Variants in LYPD6B observed in about 807,000 individuals in gnomAD.
The protein encoded by LYPD6B is ly6/PLAUR domain-containing protein 6B.
LYPD6B carries 17 observed loss-of-function variants against 22.8 expected under a neutral mutation model. The ratio of observed to expected loss-of-function variants is 0.75; its 90% CI spans 0.51 to 1.12. The LOEUF is 1.12. Among genes scored for constraint, LYPD6B ranks in the 50% most tolerant of loss-of-function variants. LYPD6B has a pLI of 0.00. For synonymous variants in LYPD6B, 106 were observed against 91.6 expected (o/e 1.16, Z -0.90); for missense variants, 221 against 258.3 (o/e 0.86, Z 0.99).
intron 1 of LYPD6B, among the ~76,000 whole-genome samples, chr2:149,041,487 C>T (rs779806711): frequency 6.6e-6 from 1 of 152,162 alleles, no homozygotes; most frequent in Non-Finnish European, 1.5e-5. Context: ...GAAGAGGGGC[C>T]CATGATTGTT....
chr2:149,113,036 A>G (rs1686836181), intron 1 of LYPD6B, among the ~76,000 whole-genome samples: 1 of 152,222 alleles, frequency 6.6e-6, no homozygotes, highest in African/African-American at 2.4e-5. Flanking sequence ...ATGAAAGTTT[A>G]CATGGTACCT....
intron 1 of LYPD6B, among the ~76,000 whole-genome samples, chr2:149,092,291 G>A (rs925573728): frequency 4.6e-5 from 7 of 152,198 alleles, no homozygotes; most frequent in Non-Finnish European, 8.8e-5. Flanking sequence ...TCAGCATTGA[G>A]GATGTAGAAT....
chr2:149,076,912 G>A (rs1456276331), intron 1 of LYPD6B, among the ~76,000 whole-genome samples: 1 of 152,184 alleles, frequency 6.6e-6, no homozygotes, highest in African/African-American at 2.4e-5. Flanking sequence ...GTAGTGCCAA[G>A]GTTAAGATGT....
At position 149,119,519 on chromosome 2, in the gene LYPD6B, G is replaced by A. The variant is rs935384599; in HGVS notation, c.-66-11364G>A. On this transcript the variant is annotated intron_variant, in intron 1 of 6. Coordinates refer to ENST00000409642, the MANE Select transcript of LYPD6B (RefSeq NM_177964.5). ...GTCTTTTGACATGTACCTTTGTGACGTGAACACATTAACGATGAACTCAGT... is the reference window on the plus strand; with the variant it reads ...GTCTTTTGACATGTACCTTTGTGACATGAACACATTAACGATGAACTCAGT... Among the ~76,000 whole-genome samples the A allele has an allele frequency of 7.2e-5, 11 of 152,294 alleles. No homozygotes were observed. The East Asian group carries it at 1.5e-3, about 21-fold the overall frequency.
At chr2:149,183,131 A>C (rs951912705) in intron 3 of LYPD6B, among the ~76,000 whole-genome samples, 2 of 152,212 alleles carry the variant, frequency 1.3e-5, no homozygotes, top group Non-Finnish European at 2.9e-5. Flanking sequence ...GGTGATCAGT[A>C]AAATTTAATT....
chr2:149,076,897 G>T (rs981553376), intron 1 of LYPD6B, among the ~76,000 whole-genome samples: 2 of 152,158 alleles, frequency 1.3e-5, no homozygotes, highest in African/African-American at 4.8e-5. Flanking sequence ...AAATTCCTTG[G>T]CTGTGTAGTG....
intron 1 of LYPD6B, among the ~76,000 whole-genome samples, chr2:149,066,624 T>C (rs185861099): frequency 6.6e-6 from 1 of 152,080 alleles, no homozygotes; most frequent in Non-Finnish European, 1.5e-5. Flanking sequence ...TACATAACAG[T>C]TGCTCAAAAA....
At chr2:149,144,926 T>C (rs1157131455) in intron 2 of LYPD6B, among the ~76,000 whole-genome samples, 1 of 152,174 alleles carries the variant, frequency 6.6e-6, no homozygotes, top group East Asian at 1.9e-4. Flanking sequence ...TGGTGTCAAC[T>C]GCTCTACTTG....
At chr2:149,182,054 G>A (rs75958927) in intron 3 of LYPD6B, among the ~76,000 whole-genome samples, 2,336 of 152,254 alleles carry the variant, frequency 0.015, 74 homozygotes, top group African/African-American at 0.053. Context: ...TGTAAGTGGC[G>A]TTAATAATAT....
chr2:149,064,645 G>T (rs1012130351), intron 1 of LYPD6B, among the ~76,000 whole-genome samples: 1 of 152,192 alleles, frequency 6.6e-6, no homozygotes, highest in Non-Finnish European at 1.5e-5. Flanking sequence ...GTTAACAGTA[G>T]ATAAACATTA....
At chr2:149,164,954 C>T (rs903616333) in intron 3 of LYPD6B, among the ~76,000 whole-genome samples, 1 of 152,194 alleles carries the variant, frequency 6.6e-6, no homozygotes, top group Non-Finnish European at 1.5e-5. Flanking sequence ...TTAATTTGCT[C>T]ATGATTCTGT....
chr2:149,163,571 A>T (rs554611076), intron 3 of LYPD6B, among the ~76,000 whole-genome samples: 1 of 152,332 alleles, frequency 6.6e-6, no homozygotes, highest in Non-Finnish European at 1.5e-5. Context: ...AGCTTTGTTT[A>T]TAACAAATGG....
chr2:149,117,137 TC>T lies in LYPD6B; in HGVS notation c.-66-13744del, dbSNP rs1442921334. On this transcript the variant is annotated intron_variant, in intron 1 of 6. Transcript: ENST00000409642. ...ATGGAGAGTAGTAACCCTCAGTCTA[TC>T]CTACATTGCTGATAATTTTCCTCAT... 2.2e-4 allele frequency among the ~76,000 whole-genome samples: 34 copies of T among 152,262 alleles called. 1 individual carries two copies. The highest frequency in any genetic ancestry group is 7.2e-4 in the African/African-American group (30 of 41,572).
intron 3 of LYPD6B, among the ~76,000 whole-genome samples, chr2:149,186,998 A>T (rs552512783): frequency 6.2e-4 from 94 of 152,372 alleles, no homozygotes; most frequent in African/African-American, 2.1e-3. Context: ...AGGACCCTCC[A>T]CCAGCAAAAA....
rs190712227 is a variant in LYPD6B, at chr2:149,173,520, C to T, written c.77+12685C>T. Among the ~76,000 whole-genome samples the T allele has an allele frequency of 6.5e-3, 985 of 151,960 alleles. 9 individuals carry two copies. The highest frequency in any genetic ancestry group is 0.022 in the African/African-American group (925 of 41,452). On this transcript the variant is annotated intron_variant, in intron 3 of 6. Transcript: ENST00000409642. ...TTAACTACAATAAATGACAGAGTTC[C>T]GCAGGATACTATTAGCACATTTAGG... is the stretch of plus-strand genomic sequence containing the variant.
At chr2:149,182,290 T>C (rs139595463) in intron 3 of LYPD6B, among the ~76,000 whole-genome samples, 28 of 152,322 alleles carry the variant, frequency 1.8e-4, no homozygotes, top group African/African-American at 6.5e-4. Context: ...TCATCAGTTT[T>C]TTGGGTCGAA....
chr2:149,104,709 A>G (rs988556939), intron 1 of LYPD6B, among the ~76,000 whole-genome samples: 7 of 152,206 alleles, frequency 4.6e-5, no homozygotes, highest in African/African-American at 1.7e-4. Context: ...GAAGTGAATA[A>G]TTAAATATTG....
intron 2 of LYPD6B, among the ~76,000 whole-genome samples, chr2:149,139,734 A>G (rs1280290622): frequency 6.6e-6 from 1 of 152,194 alleles, no homozygotes; most frequent in East Asian, 1.9e-4. Flanking sequence ...CATGAAATAA[A>G]TTGGATGATT....
Position 149,194,444 on chromosome 2 carries a change from G to T in LYPD6B, c.78-10809G>T, listed in dbSNP as rs111779953. On this transcript the variant is annotated intron_variant, in intron 3 of 6. Coordinates refer to ENST00000409642, the MANE Select transcript of LYPD6B (RefSeq NM_177964.5). Reference sequence around the variant, plus strand: ...CATTATTTAAGAGAGTTAATAAAGGGACTGTTTACAATGATGTGGGCCAGA... The same window carrying T: ...CATTATTTAAGAGAGTTAATAAAGGTACTGTTTACAATGATGTGGGCCAGA... 4.3e-4 allele frequency among the ~76,000 whole-genome samples: 66 copies of T among 152,276 alleles called. 1 individual carries two copies. Among genetic ancestry groups the T allele is most frequent in the African/African-American group, 1.4e-3 (58 of 41,566 alleles).
Sources: gnomAD v4.1 joint callset for allele counts (sites outside exome capture counted in the v4.1 genomes callset) on GRCh38, gnomAD v4.1.1 for gene constraint, MANE v1.5 for transcripts, NCBI Gene and HGNC (gene_info 2026-07-23, HGNC 2026-07-21) for gene names.